CYP24A1: variants seen among roughly 807,000 people sequenced by gnomAD.
CYP24A1 encodes 1,25-dihydroxyvitamin D(3) 24-hydroxylase, mitochondrial.
CYP24A1 carries 68 observed loss-of-function variants against 62.4 expected under a neutral mutation model. That is an observed-to-expected ratio of 1.09 (90% CI 0.90 to 1.33). The LOEUF is 1.33. CYP24A1 is among the 40% of genes most tolerant of loss of function. The pLI, the probability that CYP24A1 is intolerant of heterozygous loss-of-function variation, is 0.00. For synonymous variants in CYP24A1, 267 were observed against 253.0 expected (o/e 1.06, Z -0.52); for missense variants, 787 against 653.0 (o/e 1.21, Z -2.24).
the CYP24A1 span, among the ~76,000 whole-genome samples, chr20:54,146,427 C>T: frequency 7.5e-4 from 114 of 152,038 alleles, no homozygotes; most frequent in Non-Finnish European, 1.5e-3. Flanking sequence ...TCCAGAGGAC[C>T]GCTACCGGTC....
intron 4 of CYP24A1, 48 bp downstream of exon 4, chr20:54,169,544 G>T (rs371949158): frequency 2.6e-5 from 42 of 1,612,652 alleles, no homozygotes; most frequent in Non-Finnish European, 3.5e-5. Context: ...TGTTTTATCC[G>T]CAAAATCACC....
chr20:54,156,868 T>A (rs546984582), intron 11 of CYP24A1, among the ~76,000 whole-genome samples: 1 of 152,342 alleles, frequency 6.6e-6, no homozygotes, highest in East Asian at 1.9e-4. Flanking sequence ...TGCCAACCCT[T>A]ACTATTCACA....
intron 11 of CYP24A1, 169 bp from the exon 12 acceptor site, chr20:54,154,930 TG>T (rs1342735195): frequency 2.0e-5 from 2 of 101,554 alleles, no homozygotes; most frequent in Non-Finnish European, 3.7e-5. Flanking sequence ...ATGGCTGTTT[TG>T]GTCTTGGTAA....
chr20:54,171,864 T>C (rs2092695314), intron 2 of CYP24A1, 194 bp from the exon 3 acceptor site: 1 of 1,354,838 alleles, frequency 7.4e-7, no homozygotes, highest in Non-Finnish European at 9.8e-7. Context: ...AGTTTGACAA[T>C]AGGATGAAAA....
chr20:54,173,235 C>G lies in CYP24A1; in HGVS notation c.258+87G>C, dbSNP rs1320422224. 6.6e-6 allele frequency: 10 copies of G among 1,518,372 alleles called. No homozygotes were observed. The Admixed American group carries it at 1.8e-4, about 27-fold the overall frequency. The allele number at this position is 1,518,372 out of a possible 1,614,324, so 94.1% of individuals were successfully genotyped here. A position where few individuals can be genotyped will look rare whatever the true frequency, so the allele number is the denominator to read the frequency against. On this transcript the variant is annotated intron_variant, in intron 1 of 11. Coordinates refer to ENST00000216862, the MANE Select transcript of CYP24A1 (RefSeq NM_000782.5). The surrounding 1 kb of genome is among the most constrained non-coding windows in gnomAD (Gnocchi z 7.2). ...CAGACGCCGAAGCGCACCATGCGCC[C>G]GAGGCGCGCATGTCGGGGAGGGTTT...
At chr20:54,153,251 C>A (rs2092615709), downstream of CYP24A1, among the ~76,000 whole-genome samples, 2 of 152,022 alleles carry the variant, frequency 1.3e-5, no homozygotes. Context: ...ATTTAAGCAG[C>A]AACAAAATGG....
chr20:54,172,969 TCCAG>T lies in CYP24A1; in HGVS notation c.385_388del (p.Leu129ArgfsTer19). On this transcript the variant is annotated frameshift_variant, in exon 2 of 12. Transcript: ENST00000216862. LOFTEE classifies it high-confidence loss of function. The stretch of plus-strand genomic sequence containing the variant: ...GCGATAGGCCTTCCACGGTTTGATC[TCCAG>T]CCGCTGCGGGTACGCGCTCTCGGTG... The T allele has an allele frequency of 3.1e-6, 5 of 1,613,318 alleles. No individual in the cohort carries two copies. The highest frequency in any genetic ancestry group is 3.4e-6 in the Non-Finnish European group (4 of 1,180,016).
chr20:54,158,117 G>C lies in CYP24A1; in HGVS notation c.1205C>G (p.Thr402Arg), dbSNP rs750461335. 8 of 1,613,882 alleles carry C rather than the reference G, an allele frequency of 5.0e-6. No individual in the cohort carries two copies. Among genetic ancestry groups the C allele is most frequent in the Non-Finnish European group, 6.8e-6 (8 of 1,180,022 alleles). The change falls in exon 9 of 12, where the codon ACA becomes AGA. Residue 402 changes from threonine to arginine, a missense_variant. Transcript: ENST00000216862. The stretch of plus-strand genomic sequence containing the variant: ...GGGTAAAGCATATTCACCCAGAACT[G>C]TTGCCTTGTCAAGAGTCCGAGTTGT... ...PFTTRTLDKA[T>R]VLGEYALPKG... is the part of the protein sequence containing the mutation.
At chr20:54,156,062 T>C (rs1202333911) in intron 11 of CYP24A1, among the ~76,000 whole-genome samples, 1 of 152,178 alleles carries the variant, frequency 6.6e-6, no homozygotes, top group Non-Finnish European at 1.5e-5. Context: ...TCTATTGTGT[T>C]CAATACAGGC....
chr20:54,151,451 T>A (rs973947414), downstream of CYP24A1, among the ~76,000 whole-genome samples: 1 of 151,972 alleles, frequency 6.6e-6, no homozygotes, highest in Non-Finnish European at 1.5e-5. Context: ...TACTGGAAAC[T>A]ACAAATCCAC....
At chr20:54,165,620 C>T (rs2146489404) in intron 5 of CYP24A1, 122 bp downstream of exon 5, 1 of 737,594 alleles carries the variant, frequency 1.4e-6, no homozygotes, top group East Asian at 2.6e-5. Flanking sequence ...TTAAAATGAA[C>T]ACTTAACTAT....
In CYP24A1 at chr20:54,173,302, G is replaced by A. The variant is rs2146515200; in HGVS notation, c.258+20C>T. ...GGCGGAAGAGGGAGGAGAGAGTCAG[G>A]GGCGCGAAAAGGGGTTTACCAGGGT... is the stretch of plus-strand genomic sequence containing the variant. On this transcript the variant is annotated intron_variant, in intron 1 of 11. Transcript: ENST00000216862. This position sits in a 1 kb window ranked among gnomAD's most constrained non-coding sequence, Gnocchi z 7.2. The A allele has an allele frequency of 6.2e-7, 1 of 1,601,294 alleles. No individual in the cohort carries two copies. The highest frequency in any genetic ancestry group is 2.2e-5 in the East Asian group (1 of 44,688).
At chr20:54,162,598 G>C (rs955646930) in intron 7 of CYP24A1, 119 bp downstream of exon 7, 2 of 770,396 alleles carry the variant, frequency 2.6e-6, no homozygotes, top group Non-Finnish European at 4.7e-6. Context: ...TTTCATTTTT[G>C]TGGAGTTGAT....
the CYP24A1 span, among the ~76,000 whole-genome samples, chr20:54,144,870 G>A: frequency 3.3e-5 from 5 of 152,022 alleles, no homozygotes; most frequent in African/African-American, 1.2e-4. Flanking sequence ...CAGTTTAGAA[G>A]ATCATTGTAA....
chr20:54,170,088 T>C (rs2092688909), intron 3 of CYP24A1, among the ~76,000 whole-genome samples: 1 of 152,222 alleles, frequency 6.6e-6, no homozygotes, highest in Non-Finnish European at 1.5e-5. Context: ...GGTGTGCCCT[T>C]CCACATCTGG....
At position 54,162,753 on chromosome 20, in the gene CYP24A1, A is replaced by T; in HGVS notation, c.954T>A (p.Ala318=). The T allele has an allele frequency of 6.3e-7, 1 of 1,599,330 alleles. No homozygotes were observed. The highest frequency in any genetic ancestry group is 1.1e-5 in the South Asian group (1 of 90,792). Residue 318 remains alanine, a synonymous_variant, in exon 7 of 12, where the codon GCT becomes GCA. Transcript: ENST00000216862. ...CAGCCAGCTGGAGCTCTGTGACAGC[A>T]GCATACAATTCTTTCTTTGAAAGCC... ...QNRLSKKELY[A]AVTELQLAAV...
chr20:54,162,530 T>TGAGGCACCGTGGCATAGATGCTGTGCGCG (rs903236948), intron 7 of CYP24A1, 187 bp downstream of exon 7: 2 of 527,948 alleles, frequency 3.8e-6, no homozygotes, highest in African/African-American at 2.9e-5. Flanking sequence ...GGCCGTGCGC[T>TGAGGCACCGTGGCATAGATGCTGTGCGCG]GAGGCACCGT....
chr20:54,148,369 GACACACACACAC>G, the CYP24A1 span, among the ~76,000 whole-genome samples: 14 of 133,476 alleles, frequency 1.0e-4, no homozygotes, highest in African/African-American at 1.4e-4. Context: ...CAGACACACA[GACACACACACAC>G]ACACACACAC....
intron 4 of CYP24A1, among the ~76,000 whole-genome samples, chr20:54,168,328 C>T (rs182229286): frequency 6.6e-6 from 1 of 152,320 alleles, no homozygotes; most frequent in Non-Finnish European, 1.5e-5. Flanking sequence ...CATGTCCTCC[C>T]TCCCTTACTT....
Sources: allele counts gnomAD v4.1 joint callset (sites outside exome capture counted in the v4.1 genomes callset), GRCh38; gene constraint gnomAD v4.1.1; non-coding constraint Gnocchi (gnomAD v3.1); transcripts MANE v1.5; gene names NCBI Gene and HGNC (gene_info 2026-07-23, HGNC 2026-07-21).